The following STXBP5L variants were observed in gnomAD, a reference collection of about 807,000 sequenced individuals.
STXBP5L encodes the protein syntaxin-binding protein 5-like.
A neutral mutation model predicts 144.5 loss-of-function variants in STXBP5L; 65 were observed. That is an observed-to-expected ratio of 0.45 (90% CI 0.37 to 0.55). The LOEUF (loss-of-function observed/expected upper bound fraction) is 0.55. Ranked by LOEUF, STXBP5L falls within the 20% of genes least tolerant of loss-of-function variation. STXBP5L has a pLI of 0.00. For synonymous variants in STXBP5L, 505 were observed against 469.6 expected (o/e 1.08, Z -0.97); for missense variants, 1,298 against 1,405.5 (o/e 0.92, Z 1.22).
chr3:121,021,791 T>C (rs1435738081), intron 3 of STXBP5L, among the ~76,000 whole-genome samples: 2 of 152,132 alleles, frequency 1.3e-5, no homozygotes, highest in African/African-American at 4.8e-5. Context: ...TTCATAGCAT[T>C]AAATGCCTAT....
chr3:121,007,687 A>T (rs79405314), intron 3 of STXBP5L, among the ~76,000 whole-genome samples: 2 of 151,944 alleles, frequency 1.3e-5, no homozygotes, highest in Non-Finnish European at 2.9e-5. Context: ...TGTTGTTTAC[A>T]TAGGCAGAAT....
intron 20 of STXBP5L, among the ~76,000 whole-genome samples, chr3:121,348,268 T>G (rs1181828213): frequency 1.3e-5 from 2 of 152,152 alleles, no homozygotes; most frequent in African/African-American, 4.8e-5. Flanking sequence ...TTTATTGACT[T>G]GCATATGTTG....
At chr3:121,143,300 A>AG (rs148031219) in intron 7 of STXBP5L, among the ~76,000 whole-genome samples, 1 of 151,596 alleles carries the variant, frequency 6.6e-6, no homozygotes, top group Non-Finnish European at 1.5e-5. Flanking sequence ...AATTAAAAAA[A>AG]AAAAAACAAC....
At chr3:120,976,456 T>TA (rs942844152) in intron 3 of STXBP5L, among the ~76,000 whole-genome samples, 31 of 152,326 alleles carry the variant, frequency 2.0e-4, no homozygotes, top group African/African-American at 7.0e-4. Context: ...GTAGTCTTGC[T>TA]AGCAGTGTAT....
At chr3:121,081,861 C>T (rs1335930956) in intron 5 of STXBP5L, among the ~76,000 whole-genome samples, 1 of 152,220 alleles carries the variant, frequency 6.6e-6, no homozygotes, top group Non-Finnish European at 1.5e-5. Context: ...CCCTGCCAGA[C>T]TAGCAGGAAA....
chr3:121,209,954 T>C (rs1463070308), intron 10 of STXBP5L, among the ~76,000 whole-genome samples: 1 of 152,164 alleles, frequency 6.6e-6, no homozygotes, highest in Non-Finnish European at 1.5e-5. Flanking sequence ...TACCCAATAA[T>C]GGGATGGCTG....
At chr3:121,112,060 A>G (rs2044012275) in intron 5 of STXBP5L, among the ~76,000 whole-genome samples, 1 of 151,910 alleles carries the variant, frequency 6.6e-6, no homozygotes, top group Admixed American at 6.6e-5. Flanking sequence ...CTGAGTCCAA[A>G]CCGCTCAGTC....
At position 121,223,069 on chromosome 3, in the gene STXBP5L, C is replaced by T; in HGVS notation, c.1023C>T (p.Thr341=). The change falls in exon 11 of 27, where the codon ACC becomes ACT. Residue 341 remains threonine (T), a synonymous_variant. Transcript: ENST00000471454. ...YDKACRRPSL[T]IMHGKAITVL... is the part of the protein sequence containing the mutation. ...AAGCTTGTAGAAGACCAAGTTTAAC[C>T]ATCATGCATGGAAAAGCAATTACAG... 1 of 1,612,984 alleles carries T rather than the reference C, an allele frequency of 6.2e-7. No individual in the cohort carries two copies. Among genetic ancestry groups the T allele is most frequent in the Non-Finnish European group, 8.5e-7 (1 of 1,179,500 alleles).
chr3:121,124,739 A>G (rs969279831), intron 7 of STXBP5L, among the ~76,000 whole-genome samples: 1 of 152,048 alleles, frequency 6.6e-6, no homozygotes, highest in Admixed American at 6.6e-5. Flanking sequence ...CTTCCTTTCC[A>G]ATATTTATGG....
intron 7 of STXBP5L, among the ~76,000 whole-genome samples, chr3:121,149,404 T>A (rs904256930): frequency 6.6e-6 from 1 of 152,012 alleles, no homozygotes; most frequent in Admixed American, 6.6e-5. Flanking sequence ...ACTAGAGGCA[T>A]AGCCACCAAA....
intron 3 of STXBP5L, among the ~76,000 whole-genome samples, chr3:121,038,843 A>G (rs185473524): frequency 1.2e-3 from 176 of 151,886 alleles, no homozygotes; most frequent in Non-Finnish European, 1.9e-3. Context: ...TGAAGTGACC[A>G]CCTTTAACCC....
intron 3 of STXBP5L, among the ~76,000 whole-genome samples, chr3:120,959,005 C>T (rs1233834317): frequency 2.6e-5 from 4 of 152,238 alleles, no homozygotes; most frequent in Middle Eastern, 3.4e-3. Flanking sequence ...TCTAGAAATC[C>T]CCATCATCTC....
At chr3:121,175,068 C>G (rs73855348) in intron 9 of STXBP5L, among the ~76,000 whole-genome samples, 2,915 of 152,102 alleles carry the variant, frequency 0.019, 100 homozygotes, top group African/African-American at 0.067. Flanking sequence ...GTTCACAGTA[C>G]AAATAAGAGA....
intron 3 of STXBP5L, among the ~76,000 whole-genome samples, chr3:121,004,998 T>C (rs1039463026): frequency 3.3e-5 from 5 of 152,198 alleles, no homozygotes; most frequent in African/African-American, 1.2e-4. Context: ...TCAGGGATGT[T>C]GGTCTAAAAT....
At chr3:121,336,138 A>G (rs1471503107) in intron 20 of STXBP5L, among the ~76,000 whole-genome samples, 1 of 152,204 alleles carries the variant, frequency 6.6e-6, no homozygotes, top group Non-Finnish European at 1.5e-5. Context: ...GAAGACATAT[A>G]TGTGGCCAAA....
In STXBP5L at chr3:121,187,775, G is replaced by A. The variant is rs1004036312; in HGVS notation, c.878-18148G>A. Among the ~76,000 whole-genome samples, 26 of 151,964 alleles carry A rather than the reference G, an allele frequency of 1.7e-4. No homozygotes were observed. The East Asian group carries it at 1.7e-3, about 10-fold the overall frequency. On this transcript the variant is annotated intron_variant, in intron 9 of 26. Coordinates refer to ENST00000471454, the MANE Select transcript of STXBP5L (RefSeq NM_001308330.2). ...TTGGATAAAGAGTCAAGGCCCATTG[G>A]TGTTCAGTATTCAGGAGACCCATCT...
rs372845733 is a variant in STXBP5L at position 121,162,501 on chromosome 3, T to C, written c.877+4874T>C. 3.7e-4 allele frequency among the ~76,000 whole-genome samples: 57 copies of C among 152,224 alleles called. No individual in the cohort carries two copies. In the East Asian group the frequency reaches 5.8e-3, roughly 15 times the overall value. On this transcript the variant is annotated intron_variant, in intron 9 of 26. Transcript: ENST00000471454. ...AACCTAGGCAATACCATTCAGGACA[T>C]AGGCATGGGCAAAGACTTCATGACT...
intron 4 of STXBP5L, 22 bp downstream of exon 4, chr3:121,041,803 C>T: frequency 2.0e-6 from 3 of 1,530,632 alleles, no homozygotes; most frequent in Non-Finnish European, 2.7e-6. Flanking sequence ...TTTTTGACTA[C>T]TTAAATCACA....
chr3:121,157,845 G>C, intron 9 of STXBP5L: 1 of 549,578 alleles, frequency 1.8e-6, no homozygotes, highest in African/African-American at 2.0e-5. Context: ...TTTGTAAGCT[G>C]TAGTTATGTA....
Sources: gnomAD v4.1 joint callset for allele counts (sites outside exome capture counted in the v4.1 genomes callset) on GRCh38, gnomAD v4.1.1 for gene constraint, MANE v1.5 for transcripts, NCBI Gene and HGNC (gene_info 2026-07-23, HGNC 2026-07-21) for gene names.